ITGA9: variants seen among roughly 807,000 people sequenced by gnomAD.
ITGA9 encodes integrin alpha-9.
ITGA9 carries 56 observed loss-of-function variants against 127.8 expected under a neutral mutation model. The ratio of observed to expected loss-of-function variants is 0.44; its 90% CI spans 0.35 to 0.55. The LOEUF (loss-of-function observed/expected upper bound fraction) is 0.55, where lower values mean the gene tolerates loss of function less well. Ranked by LOEUF, ITGA9 falls within the 20% of genes least tolerant of loss-of-function variation. ITGA9 has a pLI of 0.00. For synonymous variants in ITGA9, 508 were observed against 514.5 expected, an observed-to-expected ratio of 0.99 and a Z score of 0.17; for missense variants, 1,196 against 1,347.1, an observed-to-expected ratio of 0.89 and a Z score of 1.76.
At chr3:37,462,440 A>G (rs1446240154) in intron 1 of ITGA9, among the ~76,000 whole-genome samples, 1 of 152,204 alleles carries the variant, frequency 6.6e-6, no homozygotes, top group Non-Finnish European at 1.5e-5. Context: ...TACTTTCTAT[A>G]TGCCAGAACC....
chr3:37,650,588 C>T (rs1443701635), intron 16 of ITGA9, among the ~76,000 whole-genome samples: 1 of 152,028 alleles, frequency 6.6e-6, no homozygotes, highest in Admixed American at 6.6e-5. Context: ...CCCACCACCA[C>T]ACCCGGCTAA....
chr3:37,655,793 C>T (rs1700472257), intron 17 of ITGA9, among the ~76,000 whole-genome samples: 1 of 152,082 alleles, frequency 6.6e-6, no homozygotes, highest in Non-Finnish European at 1.5e-5. Context: ...AATGGTATTG[C>T]CTAGGTTTTC....
intron 17 of ITGA9, among the ~76,000 whole-genome samples, chr3:37,676,956 C>T (rs1700688121): frequency 6.6e-6 from 1 of 152,182 alleles, no homozygotes; most frequent in South Asian, 2.1e-4. Context: ...ATTTTACAAG[C>T]AAGTGAGTTT....
intron 15 of ITGA9, among the ~76,000 whole-genome samples, chr3:37,584,040 T>A (rs1699733392): frequency 6.6e-6 from 1 of 152,206 alleles, no homozygotes; most frequent in South Asian, 2.1e-4. Flanking sequence ...TTTCCCTGGG[T>A]AGACTGACTG....
Position 37,785,652 on chromosome 3 carries a change from A to AT in ITGA9, c.2889+581dup, listed in dbSNP as rs139808972. Among the ~76,000 whole-genome samples, 5 of 152,082 alleles carry AT rather than the reference A, an allele frequency of 3.3e-5. No homozygotes were observed. In the South Asian group the frequency reaches 1.0e-3, roughly 32 times the overall value. On this transcript the variant is annotated intron_variant, in intron 26 of 27. Coordinates refer to ENST00000264741, the MANE Select transcript of ITGA9 (RefSeq NM_002207.3). ...ATGCCTAATTTTTAAATTTTTTAAA[A>AT]TTTTTTTGTCGGGATAGGGTTCCAC...
intron 18 of ITGA9, among the ~76,000 whole-genome samples, chr3:37,725,481 G>A (rs1696176782): frequency 6.6e-6 from 1 of 152,182 alleles, no homozygotes; most frequent in Non-Finnish European, 1.5e-5. Context: ...AGATAGGCAG[G>A]GGAGTTGGGT....
chr3:37,603,546 G>T (rs1161414468), intron 15 of ITGA9, among the ~76,000 whole-genome samples: 1 of 152,168 alleles, frequency 6.6e-6, no homozygotes, highest in Non-Finnish European at 1.5e-5. Flanking sequence ...CTCCCGTCAG[G>T]TTATAATAGG....
intron 22 of ITGA9, among the ~76,000 whole-genome samples, chr3:37,747,691 C>G (rs986921459): frequency 4.7e-5 from 7 of 150,472 alleles, no homozygotes; most frequent in African/African-American, 1.7e-4. Context: ...CTTTCTATAT[C>G]TGGCTTATTT....
At chr3:37,560,661 G>A (rs1004419004) in intron 15 of ITGA9, among the ~76,000 whole-genome samples, 1 of 152,216 alleles carries the variant, frequency 6.6e-6, no homozygotes, top group South Asian at 2.1e-4. Flanking sequence ...GCATGAGATG[G>A]TATCTCATTG....
intron 15 of ITGA9, among the ~76,000 whole-genome samples, chr3:37,550,044 A>C (rs951038259): frequency 6.6e-6 from 1 of 152,206 alleles, no homozygotes; most frequent in Non-Finnish European, 1.5e-5. Flanking sequence ...ACTACATGTG[A>C]GATAGTTACT....
intron 25 of ITGA9, among the ~76,000 whole-genome samples, chr3:37,780,942 A>G (rs1402995663): frequency 6.6e-6 from 1 of 152,220 alleles, no homozygotes; most frequent in Admixed American, 6.5e-5. Context: ...ATGCCAGGGT[A>G]AAATACCAGA....
intron 23 of ITGA9, among the ~76,000 whole-genome samples, chr3:37,770,609 GACA>G (rs1408298402): frequency 2.0e-5 from 3 of 152,158 alleles, no homozygotes; most frequent in East Asian, 3.8e-4. Flanking sequence ...ATCAGATGAC[GACA>G]ACATTTGAAA....
intron 4 of ITGA9, among the ~76,000 whole-genome samples, chr3:37,491,931 C>G (rs760583210): frequency 2.0e-5 from 3 of 152,128 alleles, no homozygotes; most frequent in Admixed American, 6.5e-5. Context: ...AAATAGCATT[C>G]AAAGGAGTGA....
chr3:37,755,519 T>G (rs767390911), intron 23 of ITGA9, among the ~76,000 whole-genome samples: 3 of 152,132 alleles, frequency 2.0e-5, no homozygotes, highest in Non-Finnish European at 4.4e-5. Flanking sequence ...TTCAGAGCAA[T>G]GCAAAAAGAC....
chr3:37,766,482 G>A (rs1296019611), intron 23 of ITGA9, among the ~76,000 whole-genome samples: 1 of 152,202 alleles, frequency 6.6e-6, no homozygotes, highest in Non-Finnish European at 1.5e-5. Context: ...AGATGGTGAT[G>A]TAGGAATCAT....
At chr3:37,493,084 G>A (rs1698689207) in intron 4 of ITGA9, among the ~76,000 whole-genome samples, 1 of 151,850 alleles carries the variant, frequency 6.6e-6, no homozygotes, top group African/African-American at 2.4e-5. Context: ...CGGGAGAACT[G>A]ATTTTATCCT....
intron 16 of ITGA9, among the ~76,000 whole-genome samples, chr3:37,630,509 G>A (rs1414410999): frequency 1.3e-5 from 2 of 152,216 alleles, no homozygotes; most frequent in African/African-American, 2.4e-5. Flanking sequence ...GGCAAGAGGG[G>A]CTTCCCTTTT....
At chr3:37,770,315 G>C (rs374315396) in intron 23 of ITGA9, among the ~76,000 whole-genome samples, 2 of 152,246 alleles carry the variant, frequency 1.3e-5, no homozygotes, top group East Asian at 1.9e-4. Flanking sequence ...GACCATAAGC[G>C]ATTTCCCAGG....
chr3:37,485,516 C>T (rs1279704731), intron 4 of ITGA9, among the ~76,000 whole-genome samples: 7 of 152,074 alleles, frequency 4.6e-5, no homozygotes, highest in Admixed American at 4.6e-4. Flanking sequence ...TGGTGAGGAG[C>T]TCCCGAGAAA....
Sources: gnomAD v4.1 joint callset for allele counts (sites outside exome capture counted in the v4.1 genomes callset) on GRCh38, gnomAD v4.1.1 for gene constraint, MANE v1.5 for transcripts, NCBI Gene and HGNC (gene_info 2026-07-23, HGNC 2026-07-21) for gene names.